The following TAF3 variants were observed in gnomAD, a reference collection of about 807,000 sequenced individuals.
TAF3 encodes TATA-box binding protein associated factor 3.
Under a neutral mutation model 80.6 loss-of-function variants are expected in TAF3, and 7 were observed. The observed-to-expected ratio is 0.09, with a 90% CI of 0.05 to 0.16. The LOEUF (loss-of-function observed/expected upper bound fraction) is 0.16. TAF3 is among the 10% of genes least tolerant of loss of function. The pLI, the probability that TAF3 is intolerant of heterozygous loss-of-function variation, is 1.00. For missense variants in TAF3, 921 were observed against 1,140.2 expected (o/e 0.81, Z 2.77); for synonymous variants, 444 against 446.1 (o/e 1.00, Z 0.06).
At chr10:7,903,699 G>C (rs1386933362) in intron 2 of TAF3, among the ~76,000 whole-genome samples, 3 of 152,186 alleles carry the variant, frequency 2.0e-5, no homozygotes, top group Non-Finnish European at 1.5e-5. Context: ...TTAAAGGAAA[G>C]ATCAAAGTGT....
chr10:7,907,832 CCT>C (rs1837619897), intron 2 of TAF3, among the ~76,000 whole-genome samples: 1 of 152,152 alleles, frequency 6.6e-6, no homozygotes, highest in Non-Finnish European at 1.5e-5. Context: ...TAGAAAGACT[CCT>C]CTTGAGGCAG....
intron 4 of TAF3, among the ~76,000 whole-genome samples, chr10:8,003,539 CAG>C: frequency 6.6e-6 from 1 of 152,214 alleles, no homozygotes; most frequent in South Asian, 2.1e-4. Flanking sequence ...TAGTGCTAAA[CAG>C]AGCAATAAAT....
chr10:7,902,463 G>C lies in TAF3; in HGVS notation c.410-61457G>C, dbSNP rs868564399. 1.2e-4 allele frequency among the ~76,000 whole-genome samples: 18 copies of C among 152,188 alleles called. No homozygotes were observed. In the Middle Eastern group the frequency reaches 0.01, roughly 86 times the overall value. On this transcript the variant is annotated intron_variant, in intron 2 of 6. Transcript: ENST00000344293. ...AAAAAAGAATCTTTTCTTAGGAGAT[G>C]TTATTAAGAGTCCGGGCCAATATTG...
intron 3 of TAF3, among the ~76,000 whole-genome samples, chr10:7,974,129 AACATAC>A (rs1440131582): frequency 9.0e-6 from 1 of 111,676 alleles, no homozygotes; most frequent in African/African-American, 3.4e-5. Flanking sequence ...TTCCTTCTGA[AACATAC>A]ACACACACAC....
chr10:8,016,560 G>A lies in TAF3; in HGVS notation c.*1809G>A, dbSNP rs1832106935. ...ACAATATTTTCACATGCACAAAAATGCGCGTTAGTGGTTTTTGGAGAGGGG... is the reference window on the plus strand; with the variant it reads ...ACAATATTTTCACATGCACAAAAATACGCGTTAGTGGTTTTTGGAGAGGGG... On this transcript the variant is annotated 3_prime_UTR_variant, in exon 7 of 7. Coordinates refer to ENST00000344293, the MANE Select transcript of TAF3 (RefSeq NM_031923.4). 6.6e-6 allele frequency: 1 copy of A among 152,012 alleles called. No homozygotes were observed. The allele number at this position is 152,012 out of a possible 1,614,324, so 9.4% of individuals were successfully genotyped here.
chr10:7,820,379 A>G (rs563455713), intron 1 of TAF3, among the ~76,000 whole-genome samples: 1 of 152,360 alleles, frequency 6.6e-6, no homozygotes, highest in South Asian at 2.1e-4. Flanking sequence ...CCTGAGAAAT[A>G]TTTGTTGAAT....
intron 2 of TAF3, among the ~76,000 whole-genome samples, chr10:7,835,557 G>A (rs1836843675): frequency 6.6e-6 from 1 of 152,174 alleles, no homozygotes; most frequent in Admixed American, 6.5e-5. Flanking sequence ...GCGAGGCTCT[G>A]TCCTGGCAGA....
intron 2 of TAF3, among the ~76,000 whole-genome samples, chr10:7,917,206 T>C (rs1292899551): frequency 1.3e-5 from 2 of 152,138 alleles, no homozygotes; most frequent in East Asian, 3.8e-4. Flanking sequence ...CAGGCGGTAA[T>C]AAGTGCTGTG....
Position 7,965,168 on chromosome 10 carries a change from G to C in TAF3, c.1658G>C (p.Ser553Thr), listed in dbSNP as rs777551830. Residue 553 changes from serine (S) to threonine (T), a missense_variant, in exon 3 of 7, where the codon AGT becomes ACT. Around this residue, in one of 6 missense-constraint regions of TAF3, gnomAD observed 743 missense variants for 821.0 expected, o/e 0.90. Coordinates refer to ENST00000344293, the MANE Select transcript of TAF3 (RefSeq NM_031923.4). ...GAAAAAGACAAGAACAAGGACAAAA[G>C]TAAGGAGAAGGATAAAGTGAAAGAG... is the stretch of plus-strand genomic sequence containing the variant. Reference protein sequence around the residue: ...EREKDKNKDKSKEKDKVKEKE... With the variant: ...EREKDKNKDKTKEKDKVKEKE... 1 of 1,610,290 alleles carries C rather than the reference G, an allele frequency of 6.2e-7. No homozygotes were observed. Among genetic ancestry groups the C allele is most frequent in the South Asian group, 1.1e-5 (1 of 90,080 alleles).
At chr10:7,896,608 G>A (rs1274555229) in intron 2 of TAF3, among the ~76,000 whole-genome samples, 2 of 152,176 alleles carry the variant, frequency 1.3e-5, no homozygotes, top group African/African-American at 4.8e-5. Context: ...GCAGTAAGTG[G>A]GACAGAGGTC....
At chr10:7,940,390 G>A (rs1413001030) in intron 2 of TAF3, among the ~76,000 whole-genome samples, 1 of 152,114 alleles carries the variant, frequency 6.6e-6, no homozygotes, top group Non-Finnish European at 1.5e-5. Flanking sequence ...ACTATCTGAT[G>A]AATATTTATA....
intron 4 of TAF3, among the ~76,000 whole-genome samples, chr10:8,003,687 T>C (rs1278514990): frequency 6.6e-6 from 1 of 152,208 alleles, no homozygotes. Flanking sequence ...AAAAATCTTT[T>C]AAAATACTCC....
At chr10:7,889,883 A>G (rs1172247355) in intron 2 of TAF3, among the ~76,000 whole-genome samples, 1 of 152,072 alleles carries the variant, frequency 6.6e-6, no homozygotes, top group East Asian at 1.9e-4. Context: ...TTCTAATGCC[A>G]CAGGTCCTGT....
chr10:7,870,833 C>G (rs1421996740), intron 2 of TAF3, among the ~76,000 whole-genome samples: 2 of 152,220 alleles, frequency 1.3e-5, no homozygotes, highest in East Asian at 3.9e-4. Flanking sequence ...ACCCCCACTC[C>G]ATATTTAAGA....
chr10:7,867,034 G>A (rs71481745), intron 2 of TAF3, among the ~76,000 whole-genome samples: 9,487 of 152,150 alleles, frequency 0.062, 382 homozygotes, highest in South Asian at 0.15. Context: ...CGAGGCAGGC[G>A]GATCACCTGA....
At chr10:7,829,431 G>A (rs950910161) in intron 2 of TAF3, among the ~76,000 whole-genome samples, 2 of 152,028 alleles carry the variant, frequency 1.3e-5, no homozygotes, top group South Asian at 2.1e-4. Flanking sequence ...TGGTTGTCAC[G>A]TCTCCTTAGA....
At chr10:7,825,057 C>G (rs553817654) in intron 2 of TAF3, among the ~76,000 whole-genome samples, 3 of 152,258 alleles carry the variant, frequency 2.0e-5, no homozygotes, top group African/African-American at 7.2e-5. Flanking sequence ...TCATATAGAA[C>G]TTTTGATTAT....
intron 4 of TAF3, among the ~76,000 whole-genome samples, chr10:7,990,940 G>A (rs995244957): frequency 2.0e-5 from 3 of 152,214 alleles, no homozygotes; most frequent in African/African-American, 7.2e-5. Flanking sequence ...AGTCCTAGAT[G>A]TTAGGGGCAG....
At chr10:7,876,393 G>C (rs911479252) in intron 2 of TAF3, among the ~76,000 whole-genome samples, 1 of 152,100 alleles carries the variant, frequency 6.6e-6, no homozygotes, top group African/African-American at 2.4e-5. Flanking sequence ...CTTGTAAAGA[G>C]GTATTTTCAA....
Sources: allele counts gnomAD v4.1 joint callset (sites outside exome capture counted in the v4.1 genomes callset), GRCh38; gene constraint gnomAD v4.1.1; regional missense constraint gnomAD v4.1.1; transcripts MANE v1.5; gene names NCBI Gene and HGNC (gene_info 2026-07-23, HGNC 2026-07-21).